SLA: variants seen among roughly 807,000 people sequenced by gnomAD.
SLA encodes the protein Src like adaptor, also known as src-like-adapter.
SLA carries 16 observed loss-of-function variants against 30.3 expected under a neutral mutation model. That is an observed-to-expected ratio of 0.53 (90% CI 0.36 to 0.80). The LOEUF is 0.80. Among genes scored for constraint, SLA ranks in the 30% least tolerant of loss-of-function variants. SLA has a pLI of 0.01. For synonymous variants in SLA, 143 were observed against 137.8 expected (o/e 1.04, Z -0.26); for missense variants, 310 against 345.2 (o/e 0.90, Z 0.81).
intron 2 of SLA, among the ~76,000 whole-genome samples, chr8:133,061,274 G>A (rs1842334183): frequency 6.6e-6 from 1 of 152,204 alleles, no homozygotes; most frequent in Admixed American, 6.5e-5. Flanking sequence ...CTCCCAATGT[G>A]GTGGGATTAC....
chr8:133,092,950 A>G (rs1324103696), intron 1 of SLA, among the ~76,000 whole-genome samples: 1 of 152,104 alleles, frequency 6.6e-6, no homozygotes, highest in Non-Finnish European at 1.5e-5. Flanking sequence ...CCACTTCCTC[A>G]CCATATCAGG....
chr8:133,068,604 G>A, intron 2 of SLA, among the ~76,000 whole-genome samples: 1 of 152,172 alleles, frequency 6.6e-6, no homozygotes, highest in South Asian at 2.1e-4. Context: ...GCAAGAGGAG[G>A]TGTTGAGGGC....
chr8:133,089,122 AC>A (rs1847090966), intron 1 of SLA, among the ~76,000 whole-genome samples: 1 of 151,984 alleles, frequency 6.6e-6, no homozygotes, highest in African/African-American at 2.4e-5. Context: ...GTCACACACT[AC>A]CCCTTTATCC....
At chr8:133,055,398 C>T (rs1219787625) in intron 3 of SLA, among the ~76,000 whole-genome samples, 1 of 148,462 alleles carries the variant, frequency 6.7e-6, no homozygotes, top group Admixed American at 6.7e-5. Flanking sequence ...CACACACACA[C>T]ACACACACAG....
At chr8:133,084,035 G>A (rs1846132688) in intron 1 of SLA, among the ~76,000 whole-genome samples, 1 of 152,134 alleles carries the variant, frequency 6.6e-6, no homozygotes. Context: ...TGCTCATGAG[G>A]CCATTCCCAC....
intron 6 of SLA, 134 bp downstream of exon 6, chr8:133,047,696 C>G (rs1055497628): frequency 1.4e-6 from 1 of 694,546 alleles, no homozygotes. Context: ...GTGTGGGCTG[C>G]AGGGAGCTTA....
intron 1 of SLA, among the ~76,000 whole-genome samples, chr8:133,099,914 C>A (rs1848994778): frequency 6.6e-6 from 1 of 152,176 alleles, no homozygotes; most frequent in African/African-American, 2.4e-5. Flanking sequence ...ACCTGCCTTG[C>A]CTCTTATAAT....
intron 1 of SLA, among the ~76,000 whole-genome samples, chr8:133,101,848 G>T (rs2979023): frequency 0.23 from 33,893 of 147,140 alleles, 4,285 homozygotes; most frequent in South Asian, 0.3. Flanking sequence ...CTGTCAGCTG[G>T]AGTGACACAA....
intron 2 of SLA, among the ~76,000 whole-genome samples, chr8:133,067,919 G>A (rs200697618): frequency 0.49 from 42,254 of 85,552 alleles, 7,251 homozygotes; most frequent in Admixed American, 0.56. Context: ...AGGAAGGAAA[G>A]AGAGAGAGAG....
rs1393420993 is a variant in SLA at position 133,045,014 on chromosome 8, A to G, written c.454T>C (p.Cys152Arg). 8.7e-6 allele frequency: 14 copies of G among 1,613,982 alleles called. No homozygotes were observed. Residue 152 changes from cysteine to arginine, a missense_variant, in exon 7 of 9, where the codon TGC (cysteine) becomes CGC (arginine). By Grantham distance (180) the Cys-to-Arg change is radical. Coordinates refer to ENST00000338087, the MANE Select transcript of SLA (RefSeq NM_001045556.3). ...TAGTGGTTCACCAGGTCCTCCAGGC[A>G]CTGGAAGGTGAGCCTCGGGGAAATG... ...YYISPRLTFQ[C>R]LEDLVNHYSE...
intron 2 of SLA, among the ~76,000 whole-genome samples, chr8:133,065,490 G>A (rs1017794643): frequency 5.9e-5 from 9 of 152,288 alleles, no homozygotes; most frequent in Admixed American, 2.6e-4. Flanking sequence ...GGCCGGGCGC[G>A]GTGGCTCACA....
intron 4 of SLA, 144 bp from the exon 5 acceptor site, chr8:133,050,132 TTCG>T (rs1840136609): frequency 1.5e-6 from 1 of 675,050 alleles, no homozygotes; most frequent in Non-Finnish European, 2.7e-6. Context: ...TAACCCATAT[TTCG>T]TCATCTGAAA....
At chr8:133,082,351 G>A (rs1845881205) in intron 1 of SLA, among the ~76,000 whole-genome samples, 1 of 152,240 alleles carries the variant, frequency 6.6e-6, no homozygotes, top group East Asian at 1.9e-4. Flanking sequence ...TGGAAAGACG[G>A]AGGAAAAGAA....
chr8:133,058,728 T>C (rs1841908768), intron 3 of SLA, among the ~76,000 whole-genome samples: 1 of 152,224 alleles, frequency 6.6e-6, no homozygotes, highest in Non-Finnish European at 1.5e-5. Context: ...CACGCTGTTC[T>C]GAGTGTCGCA....
intron 1 of SLA, chr8:133,096,251 G>C: frequency 6.2e-7 from 1 of 1,614,206 alleles, no homozygotes; most frequent in Non-Finnish European, 8.5e-7. Flanking sequence ...TCCTGTGATC[G>C]ATGGCCACTT....
intron 3 of SLA, among the ~76,000 whole-genome samples, chr8:133,056,417 G>T (rs1360578560): frequency 6.6e-6 from 1 of 152,142 alleles, no homozygotes; most frequent in Non-Finnish European, 1.5e-5. Flanking sequence ...GATCATCTGG[G>T]TCATTAAATC....
chr8:133,039,016 T>C (rs60829138), intron 8 of SLA, among the ~76,000 whole-genome samples: 1,557 of 152,250 alleles, frequency 0.01, 26 homozygotes, highest in African/African-American at 0.035. Flanking sequence ...TAGCTGGGAT[T>C]ACAACCATCC....
chr8:133,049,800 G>A, intron 5 of SLA, 102 bp downstream of exon 5: 2 of 842,906 alleles, frequency 2.4e-6, no homozygotes, highest in Non-Finnish European at 4.1e-6. Context: ...TCTTGACCCA[G>A]TGCCTTCCTT....
chr8:133,084,033 A>G (rs1425557360), intron 1 of SLA, among the ~76,000 whole-genome samples: 3 of 152,110 alleles, frequency 2.0e-5, no homozygotes, highest in African/African-American at 7.2e-5. Context: ...TGTGCTCATG[A>G]GGCCATTCCC....
Sources: gnomAD v4.1 joint callset for allele counts (sites outside exome capture counted in the v4.1 genomes callset) on GRCh38, gnomAD v4.1.1 for gene constraint, MANE v1.5 for transcripts, NCBI Gene and HGNC (gene_info 2026-07-23, HGNC 2026-07-21) for gene names.